Variants in SIPA1L3 observed in about 807,000 individuals in gnomAD.
SIPA1L3 encodes signal induced proliferation associated 1 like 3, also known as signal-induced proliferation-associated 1-like protein 3.
In SIPA1L3, 59 loss-of-function variants were observed where a neutral mutation model predicts 150.1. The observed-to-expected ratio is 0.39, with a 90% confidence interval of 0.32 to 0.49. The LOEUF is 0.49. SIPA1L3 is among the 20% of genes least tolerant of loss of function. The pLI, the probability that SIPA1L3 is intolerant of heterozygous loss-of-function variation, is 0.86. For synonymous variants in SIPA1L3, 1,070 were observed against 1,077.6 expected (o/e 0.99, Z 0.14); for missense variants, 2,211 against 2,489.5 (o/e 0.89, Z 2.38).
Position 38,083,109 on chromosome 19 carries a change from G to A in SIPA1L3, c.1534+10G>A, listed in dbSNP as rs1227587773. ...TACTTCGTGGGCAAAGGTGACGGAT[G>A]GCGTGTGGGTGGGAAGGTTGGGTGG... is the stretch of plus-strand genomic sequence containing the variant. On this transcript the variant is annotated intron_variant, in intron 3 of 21. Transcript: ENST00000222345. The A allele has an allele frequency of 5.6e-6, 9 of 1,601,546 alleles. No homozygotes were observed. Among genetic ancestry groups the A allele is most frequent in the Non-Finnish European group, 7.7e-6 (9 of 1,176,026 alleles).
rs145880945 is a variant in SIPA1L3, at chr19:38,119,509, G to C, written c.2495G>C (p.Cys832Ser). 212 of 1,614,148 alleles carry C rather than the reference G, an allele frequency of 1.3e-4. No homozygotes were observed. In the African/African-American group the frequency reaches 2.5e-3, roughly 19 times the overall value. ...TATCTCAAGGACCTGGCCGAAAACT[G>C]TGTCTCCAACACCCCCATCGACTCC... ...QEYLKDLAEN[C>S]VSNTPIDSTG... The change falls in exon 9 of 22, where the codon TGT (cysteine) becomes TCT (serine). Residue 832 changes from cysteine (C) to serine (S), a missense_variant. Cys to Ser is a moderately radical substitution (Grantham distance 112, BLOSUM62 -1). This residue lies in a region of SIPA1L3 where 625 missense variants were observed against 804.2 expected (regional missense o/e 0.78). Coordinates refer to ENST00000222345, the MANE Select transcript of SIPA1L3 (RefSeq NM_015073.3).
intron 2 of SIPA1L3, among the ~76,000 whole-genome samples, chr19:38,035,292 A>G (rs998785536): frequency 6.6e-6 from 1 of 152,048 alleles, no homozygotes; most frequent in African/African-American, 2.4e-5. Context: ...CTTCCAACCA[A>G]CCATCATTGA....
chr19:38,153,423 A>T (rs1374237485), intron 13 of SIPA1L3, among the ~76,000 whole-genome samples: 2 of 152,134 alleles, frequency 1.3e-5, no homozygotes, highest in Non-Finnish European at 2.9e-5. Context: ...TAATCCCAGC[A>T]CTTTGAGAGG....
chr19:38,003,044 G>C (rs1459391359), intron 1 of SIPA1L3, among the ~76,000 whole-genome samples: 2 of 152,154 alleles, frequency 1.3e-5, no homozygotes, highest in Non-Finnish European at 2.9e-5. Context: ...TACTCGGGAA[G>C]CTGAGGCATG....
At chr19:37,971,735 C>T (rs1419207733) in intron 1 of SIPA1L3, among the ~76,000 whole-genome samples, 1 of 151,814 alleles carries the variant, frequency 6.6e-6, no homozygotes, top group African/African-American at 2.4e-5. Context: ...CAGCTAATTC[C>T]TTTTGTATTT....
chr19:38,125,004 G>GAGGGAGACCGTGGGGAGAGGGAGAGGGAC (rs1971139971), intron 9 of SIPA1L3, among the ~76,000 whole-genome samples: 2 of 151,646 alleles, frequency 1.3e-5, no homozygotes, highest in Non-Finnish European at 2.9e-5. Flanking sequence ...AAGAGAGGGA[G>GAGGGAGACCGTGGGGAGAGGGAGAGGGAC]AGGGAGACCG....
chr19:38,154,137 C>T (rs1346238758), intron 13 of SIPA1L3, among the ~76,000 whole-genome samples: 1 of 152,178 alleles, frequency 6.6e-6, no homozygotes, highest in Non-Finnish European at 1.5e-5. Context: ...CAGAATCACA[C>T]TGTGTCTATT....
chr19:38,161,093 C>T (rs893507452), intron 13 of SIPA1L3, among the ~76,000 whole-genome samples: 1 of 152,060 alleles, frequency 6.6e-6, no homozygotes, highest in African/African-American at 2.4e-5. Flanking sequence ...TCTGTAATCC[C>T]AGCACTTTGG....
At chr19:38,138,897 C>CAAAAAA (rs3045988) in intron 10 of SIPA1L3, among the ~76,000 whole-genome samples, 1 of 44,126 alleles carries the variant, frequency 2.3e-5, no homozygotes, top group African/African-American at 1.1e-4. Flanking sequence ...GACTCTATCT[C>CAAAAAA]AAAAAAAAAA....
intron 2 of SIPA1L3, among the ~76,000 whole-genome samples, chr19:38,071,342 A>C (rs530516669): frequency 6.6e-6 from 1 of 152,072 alleles, no homozygotes; most frequent in Non-Finnish European, 1.5e-5. Context: ...GCGGGAGTAC[A>C]GTGGCGTGAT....
chr19:37,959,942 T>G (rs2046842849), intron 1 of SIPA1L3, among the ~76,000 whole-genome samples: 1 of 152,056 alleles, frequency 6.6e-6, no homozygotes, highest in Non-Finnish European at 1.5e-5. Flanking sequence ...TCTAATATAG[T>G]TTCATTTTCT....
At chr19:37,951,661 G>A (rs1287900433) in intron 1 of SIPA1L3, among the ~76,000 whole-genome samples, 1 of 152,026 alleles carries the variant, frequency 6.6e-6, no homozygotes, top group African/African-American at 2.4e-5. Context: ...CACTTTGGGA[G>A]GCTGAGGTGG....
At chr19:38,072,910 C>T (rs1037565412) in intron 2 of SIPA1L3, among the ~76,000 whole-genome samples, 1 of 152,214 alleles carries the variant, frequency 6.6e-6, no homozygotes, top group African/African-American at 2.4e-5. Flanking sequence ...GTGGGGCTTG[C>T]TTGCTTGTCG....
chr19:38,121,384 G>T (rs1971014603), intron 9 of SIPA1L3, among the ~76,000 whole-genome samples: 1 of 152,044 alleles, frequency 6.6e-6, no homozygotes, highest in East Asian at 1.9e-4. Context: ...CTTGCAGTGA[G>T]CTGAGATCAC....
intron 2 of SIPA1L3, among the ~76,000 whole-genome samples, chr19:38,079,461 G>T (rs1969927532): frequency 6.6e-6 from 1 of 152,166 alleles, no homozygotes; most frequent in South Asian, 2.1e-4. Flanking sequence ...TTGGAAGAAA[G>T]TAGAGTGGGT....
chr19:38,156,502 C>T (rs1208168308), intron 13 of SIPA1L3, among the ~76,000 whole-genome samples: 2 of 149,666 alleles, frequency 1.3e-5, no homozygotes, highest in Non-Finnish European at 3.0e-5. Context: ...ACACACACGC[C>T]CACATGGATC....
intron 2 of SIPA1L3, among the ~76,000 whole-genome samples, chr19:38,061,314 T>C (rs575878379): frequency 6.6e-6 from 1 of 152,196 alleles, no homozygotes; most frequent in South Asian, 2.1e-4. Context: ...TCCGCCTGCC[T>C]CGACCTCCCA....
In SIPA1L3 at chr19:38,110,210, C is replaced by T. The variant is rs2145876055; in HGVS notation, c.2134-17C>T. 1 of 1,613,450 alleles carries T rather than the reference C, an allele frequency of 6.2e-7. No homozygotes were observed. Among genetic ancestry groups the T allele is most frequent in the East Asian group, 2.2e-5 (1 of 44,870 alleles). On this transcript the variant is annotated splice_polypyrimidine_tract_variant and intron_variant, in intron 7 of 21. Coordinates refer to ENST00000222345, the MANE Select transcript of SIPA1L3 (RefSeq NM_015073.3). The stretch of plus-strand genomic sequence containing the variant: ...ACCTGTGACAGGTTCCTGTCCCCCT[C>T]TGTTGCCCTTTCCCAGCTGCTACGG...
At chr19:37,984,152 G>T (rs554200609) in intron 1 of SIPA1L3, among the ~76,000 whole-genome samples, 1 of 152,180 alleles carries the variant, frequency 6.6e-6, no homozygotes, top group South Asian at 2.1e-4. Flanking sequence ...TGAGCCCTGC[G>T]CAGGGCGGGG....
Sources: gnomAD v4.1 joint callset for allele counts (sites outside exome capture counted in the v4.1 genomes callset) on GRCh38, gnomAD v4.1.1 for gene constraint, gnomAD v4.1.1 regional missense constraint, MANE v1.5 for transcripts, NCBI Gene and HGNC (gene_info 2026-07-23, HGNC 2026-07-21) for gene names.